Variants in MYLK4 observed in about 807,000 individuals in gnomAD.
MYLK4 encodes the protein caMLCK like.
Under a neutral mutation model 48.1 loss-of-function variants are expected in MYLK4, and 46 were observed. That is an observed-to-expected ratio of 0.96 (90% CI 0.75 to 1.22). The LOEUF (loss-of-function observed/expected upper bound fraction) is 1.22. Among genes scored for constraint, MYLK4 ranks in the 50% most tolerant of loss-of-function variants. The pLI, the probability that MYLK4 is intolerant of heterozygous loss-of-function variation, is 0.00. For synonymous variants in MYLK4, 170 were observed against 180.8 expected (o/e 0.94, Z 0.48); for missense variants, 451 against 486.1 (o/e 0.93, Z 0.68).
chr6:2,731,257 C>CA (rs148252520), intron 2 of MYLK4, among the ~76,000 whole-genome samples: 5 of 151,274 alleles, frequency 3.3e-5, no homozygotes, highest in Non-Finnish European at 7.4e-5. Context: ...TTAGGGGTGA[C>CA]AAAAAAAATG....
chr6:2,766,080 C>G, the MYLK4 span: 1 of 1,299,662 alleles, frequency 7.7e-7, no homozygotes, highest in African/African-American at 1.5e-5. Flanking sequence ...GGGAGCGCGT[C>G]TCCGCGCAGC....
At chr6:2,766,039 G>A in the MYLK4 span, 1 of 1,303,422 alleles carries the variant, frequency 7.7e-7, no homozygotes, top group Non-Finnish European at 9.7e-7. Flanking sequence ...GGAAGGGGTC[G>A]GGGAAGAGGC....
At chr6:2,688,529 G>C (rs549327850) in intron 4 of MYLK4, among the ~76,000 whole-genome samples, 57 of 152,266 alleles carry the variant, frequency 3.7e-4, no homozygotes, top group African/African-American at 1.3e-3. Context: ...AAAACTACAC[G>C]CTGTTGACTC....
chr6:2,689,390 A>C (rs1407578867), intron 3 of MYLK4, among the ~76,000 whole-genome samples: 1 of 152,244 alleles, frequency 6.6e-6, no homozygotes, highest in African/African-American at 2.4e-5. Context: ...AAAATGAAAC[A>C]TTTCTTCATG....
rs564427774 is a variant in MYLK4, at chr6:2,683,676, C to T, written c.546-514G>A. Among the ~76,000 whole-genome samples the T allele has an allele frequency of 1.5e-4, 23 of 152,318 alleles. No homozygotes were observed. In the South Asian group the frequency reaches 4.6e-3, roughly 30 times the overall value. ...CCAAGTGATCCACCAGCCTCGGCCT[C>T]CCAAAGTGCTGGGATTACAGGTGGG... On this transcript the variant is annotated intron_variant, in intron 6 of 12. Coordinates refer to ENST00000274643, the MANE Select transcript of MYLK4 (RefSeq NM_001012418.5).
At chr6:2,747,802 C>T (rs1764151060) in intron 2 of MYLK4, among the ~76,000 whole-genome samples, 1 of 152,180 alleles carries the variant, frequency 6.6e-6, no homozygotes, top group Non-Finnish European at 1.5e-5. Context: ...TTTGTCTTCT[C>T]TGTCCTACCG....
chr6:2,765,180 CAA>C, the MYLK4 span, among the ~76,000 whole-genome samples: 1 of 78,144 alleles, frequency 1.3e-5, no homozygotes, highest in Admixed American at 1.3e-4. Flanking sequence ...GCTCGCCTCG[CAA>C]CCCCCCCCCC....
At chr6:2,715,260 C>CAA (rs11445482) in intron 2 of MYLK4, among the ~76,000 whole-genome samples, 33,866 of 142,110 alleles carry the variant, frequency 0.24, 4,227 homozygotes, top group African/African-American at 0.31. Context: ...GACTCCGTTT[C>CAA]AAAAAAAAAA....
chr6:2,715,681 G>A (rs1171308905), intron 2 of MYLK4, among the ~76,000 whole-genome samples: 2 of 152,182 alleles, frequency 1.3e-5, no homozygotes, highest in Non-Finnish European at 1.5e-5. Flanking sequence ...CACGTGTCTG[G>A]CTTACAGGTG....
chr6:2,703,968 C>A (rs1582070739), intron 2 of MYLK4, among the ~76,000 whole-genome samples: 3 of 152,172 alleles, frequency 2.0e-5, no homozygotes, highest in African/African-American at 7.2e-5. Flanking sequence ...CTTAAACACT[C>A]CCCTCCCATA....
At chr6:2,693,469 C>A (rs1320342431) in intron 2 of MYLK4, among the ~76,000 whole-genome samples, 2 of 152,074 alleles carry the variant, frequency 1.3e-5, no homozygotes, top group Non-Finnish European at 2.9e-5. Flanking sequence ...AACAGATGGC[C>A]CTTTTCCTAA....
At chr6:2,681,418 G>A (rs927273366) in intron 7 of MYLK4, among the ~76,000 whole-genome samples, 1 of 152,178 alleles carries the variant, frequency 6.6e-6, no homozygotes, top group African/African-American at 2.4e-5. Context: ...AGAGAAGGGG[G>A]TGCTACGTGA....
the MYLK4 span, among the ~76,000 whole-genome samples, chr6:2,758,333 GACATATATATT>G: frequency 0.01 from 1,530 of 150,386 alleles, 24 homozygotes; most frequent in African/African-American, 0.035. Context: ...CTTTTATCAG[GACATATATATT>G]ACATATATAT....
intron 2 of MYLK4, among the ~76,000 whole-genome samples, chr6:2,713,705 C>T (rs980263188): frequency 3.9e-5 from 6 of 152,206 alleles, no homozygotes; most frequent in Admixed American, 3.3e-4. Context: ...GTTAGCAATG[C>T]CCTGGGGAGG....
chr6:2,699,934 CCTGT>C (rs1224107167), intron 2 of MYLK4, among the ~76,000 whole-genome samples: 40 of 152,246 alleles, frequency 2.6e-4, no homozygotes, highest in Middle Eastern at 3.4e-3. Context: ...TTCTATCCAG[CCTGT>C]CTGTGTAAAT....
chr6:2,735,796 A>G (rs545100774), intron 2 of MYLK4, among the ~76,000 whole-genome samples: 72 of 152,334 alleles, frequency 4.7e-4, no homozygotes, highest in African/African-American at 1.7e-3. Flanking sequence ...TTCAAAAGGC[A>G]TAGAAGAGGA....
chr6:2,693,714 T>C (rs1282545260), intron 2 of MYLK4, among the ~76,000 whole-genome samples: 3 of 151,694 alleles, frequency 2.0e-5, no homozygotes, highest in African/African-American at 7.3e-5. Context: ...TGAAACACCA[T>C]GTAAGTTCAG....
At chr6:2,769,863 T>A in the MYLK4 span, among the ~76,000 whole-genome samples, 1 of 152,200 alleles carries the variant, frequency 6.6e-6, no homozygotes, top group Non-Finnish European at 1.5e-5. Context: ...TAAGCTAGAA[T>A]TCTACTTAAA....
intron 2 of MYLK4, among the ~76,000 whole-genome samples, chr6:2,725,593 A>AAGAAAGAAAGAAAGAAAGAGAAAG (rs1561868230): frequency 7.0e-5 from 10 of 143,520 alleles, no homozygotes; most frequent in South Asian, 2.2e-4. Context: ...AAGAGAAAGA[A>AAGAAAGAAAGAAAGAAAGAGAAAG]AGAAAGAAAG....
Sources: gnomAD v4.1 joint callset for allele counts (sites outside exome capture counted in the v4.1 genomes callset) on GRCh38, gnomAD v4.1.1 for gene constraint, MANE v1.5 for transcripts, NCBI Gene and HGNC (gene_info 2026-07-23, HGNC 2026-07-21) for gene names.